Variants in VPS13A observed in about 807,000 individuals in gnomAD.
The protein encoded by VPS13A is vacuolar protein sorting 13 homolog A, also known as intermembrane lipid transfer protein VPS13A.
Under a neutral mutation model 390.9 loss-of-function variants are expected in VPS13A, and 264 were observed. The observed-to-expected ratio is 0.68, with a 90% confidence interval of 0.61 to 0.75. The LOEUF is 0.75. VPS13A is among the 30% of genes least tolerant of loss of function. VPS13A has a pLI of 0.00. For missense variants in VPS13A, 3,409 were observed against 3,733.9 expected, an observed-to-expected ratio of 0.91 and a Z score of 2.27; for synonymous variants, 1,231 against 1,227.1, an observed-to-expected ratio of 1.00 and a Z score of -0.07.
intron 10 of VPS13A, among the ~76,000 whole-genome samples, chr9:77,214,934 CT>C (rs1822770140): frequency 1.3e-5 from 2 of 152,160 alleles, no homozygotes; most frequent in African/African-American, 4.8e-5. Flanking sequence ...TGGCTAATCT[CT>C]TTCGTATTTT....
At chr9:77,329,242 T>C (rs913499481) in intron 45 of VPS13A, among the ~76,000 whole-genome samples, 2 of 152,220 alleles carry the variant, frequency 1.3e-5, no homozygotes, top group African/African-American at 4.8e-5. Context: ...TTTCACTTTC[T>C]TATCATTTGT....
chr9:77,407,311 T>TTTAAC (rs1170532530), intron 70 of VPS13A, among the ~76,000 whole-genome samples: 10 of 152,216 alleles, frequency 6.6e-5, no homozygotes, highest in Non-Finnish European at 1.5e-4. Flanking sequence ...CCTTAAGCTT[T>TTTAAC]TTAACTTAGG....
At position 77,204,315 on chromosome 9, in the gene VPS13A, G is replaced by A. The variant is rs531265053; in HGVS notation, c.188-998G>A. On this transcript the variant is annotated intron_variant, in intron 3 of 71. Transcript: ENST00000360280. Reference sequence around the variant, plus strand: ...CTCTCTATTACGAAAATATTCTCAAGATACAAAACTAGAGTGAGTAGTATA... The same window carrying A: ...CTCTCTATTACGAAAATATTCTCAAAATACAAAACTAGAGTGAGTAGTATA... Among the ~76,000 whole-genome samples, 279 of 152,054 alleles carry A rather than the reference G, an allele frequency of 1.8e-3. 1 individual carries two copies. Among genetic ancestry groups the A allele is most frequent in the African/African-American group, 6.2e-3 (256 of 41,472 alleles).
chr9:77,227,615 C>A, intron 16 of VPS13A, 130 bp downstream of exon 16: 1 of 687,626 alleles, frequency 1.5e-6, no homozygotes, highest in South Asian at 1.8e-5. Flanking sequence ...AACCTGGCCT[C>A]AAGCAATCCT....
intron 68 of VPS13A, among the ~76,000 whole-genome samples, chr9:77,400,733 CAGG>C (rs1244848269): frequency 6.7e-6 from 1 of 148,900 alleles, no homozygotes; most frequent in East Asian, 2.0e-4. Context: ...GAGGCTGAGG[CAGG>C]AGAATGGCAT....
At chr9:77,377,203 G>GTTTTTTTTTTTTTTTTTTTTTTTTT (rs61562443) in intron 67 of VPS13A, among the ~76,000 whole-genome samples, 1 of 69,050 alleles carries the variant, frequency 1.4e-5, no homozygotes, top group African/African-American at 5.8e-5. Flanking sequence ...TTTTGATGCT[G>GTTTTTTTTTTTTTTTTTTTTTTTTT]TTTTTTTTTT....
In VPS13A at chr9:77,305,025, G is replaced by A. The variant is rs141507531; in HGVS notation, c.3960+1963G>A. Among the ~76,000 whole-genome samples, 1,305 of 151,166 alleles carry A rather than the reference G, an allele frequency of 8.6e-3. 10 individuals are homozygous for A. The highest frequency in any genetic ancestry group is 0.014 in the South Asian group (67 of 4,788). ...GCAATCTCAGCTCACTGCAAGCTCC[G>A]CCTCTGGGGTTCACGCCATTCTCCT... On this transcript the variant is annotated intron_variant, in intron 34 of 71. Coordinates refer to ENST00000360280, the MANE Select transcript of VPS13A (RefSeq NM_033305.3).
At chr9:77,278,568 T>C (rs1370875090) in intron 26 of VPS13A, among the ~76,000 whole-genome samples, 1 of 152,174 alleles carries the variant, frequency 6.6e-6, no homozygotes, top group African/African-American at 2.4e-5. Context: ...GTTCAATGAA[T>C]GAATAAATGT....
chr9:77,203,695 CT>C (rs1198500995), intron 3 of VPS13A, among the ~76,000 whole-genome samples: 2 of 152,048 alleles, frequency 1.3e-5, no homozygotes, highest in Non-Finnish European at 2.9e-5. Context: ...TGTTCATTTA[CT>C]TTTTTTGAAG....
At chr9:77,391,026 T>TC (rs568036581) in intron 68 of VPS13A, among the ~76,000 whole-genome samples, 196 of 152,302 alleles carry the variant, frequency 1.3e-3, no homozygotes, top group Admixed American at 5.6e-3. Context: ...CCAGGTACGT[T>TC]CAATTTGAGT....
At chr9:77,200,085 G>T (rs1290461463) in intron 2 of VPS13A, 97 bp downstream of exon 2, 18 of 1,200,360 alleles carry the variant, frequency 1.5e-5, no homozygotes, top group Non-Finnish European at 2.0e-5. Context: ...TTAAATTTGA[G>T]AAAGTTTTTT....
In VPS13A at chr9:77,370,478, C is replaced by T. The variant is rs1263886326; in HGVS notation, c.8807C>T (p.Thr2936Ile). Residue 2936 changes from threonine to isoleucine, a missense_variant, in exon 65 of 72, where the codon ACC becomes ATC. Around this residue, in one of 5 missense-constraint regions of VPS13A, gnomAD observed 318 missense variants for 333.7 expected, o/e 0.95. Coordinates refer to ENST00000360280, the MANE Select transcript of VPS13A (RefSeq NM_033305.3). ...GAMAKGVAAM[T>I]MDEDYQQKRR... The stretch of plus-strand genomic sequence containing the variant: ...ATGGCTAAGGGGGTAGCAGCTATGA[C>T]CATGGATGAAGACTACCAACAGAAG... 11 of 1,613,976 alleles carry T rather than the reference C, an allele frequency of 6.8e-6. No homozygotes were observed. Among genetic ancestry groups the T allele is most frequent in the African/African-American group, 1.3e-5 (1 of 74,878 alleles).
At chr9:77,317,730 G>T (rs765454805) in intron 40 of VPS13A, 32 bp downstream of exon 40, 2 of 1,502,204 alleles carry the variant, frequency 1.3e-6, no homozygotes, top group Non-Finnish European at 1.8e-6. Flanking sequence ...TGAATATTTA[G>T]TGCACTTAAA....
intron 31 of VPS13A, among the ~76,000 whole-genome samples, chr9:77,285,304 T>C (rs1342571245): frequency 6.6e-6 from 1 of 152,182 alleles, no homozygotes; most frequent in East Asian, 1.9e-4. Context: ...TACTGAGACA[T>C]TGAGGCCCTC....
At chr9:77,305,386 A>G (rs548836603) in intron 34 of VPS13A, among the ~76,000 whole-genome samples, 3 of 152,224 alleles carry the variant, frequency 2.0e-5, no homozygotes, top group Admixed American at 6.5e-5. Flanking sequence ...TTTGAAGTCT[A>G]TTTATATTGG....
chr9:77,354,232 T>C (rs1468168964), intron 54 of VPS13A, among the ~76,000 whole-genome samples: 1 of 152,110 alleles, frequency 6.6e-6, no homozygotes, highest in East Asian at 1.9e-4. Flanking sequence ...AATCCTTTTC[T>C]TGAATTAAAT....
intron 69 of VPS13A, among the ~76,000 whole-genome samples, chr9:77,404,461 T>C (rs1459582507): frequency 6.6e-6 from 1 of 152,246 alleles, no homozygotes; most frequent in Non-Finnish European, 1.5e-5. Flanking sequence ...TTCTAGACTT[T>C]TGTAATTAAT....
chr9:77,333,573 C>T (rs145133886), intron 46 of VPS13A, among the ~76,000 whole-genome samples: 3,323 of 151,832 alleles, frequency 0.022, 100 homozygotes, highest in East Asian at 0.12. Context: ...TGCCACCATG[C>T]GCAGCTAATT....
Position 77,319,238 on chromosome 9 carries a change from C to CT in VPS13A, c.5314-324dup, listed in dbSNP as rs146346789. ...AAGAAAAGAGTTAAAGTTGAATACC[C>CT]TTTTTTTTTTAAGGATATAGACAGA... On this transcript the variant is annotated intron_variant, in intron 41 of 71. Transcript: ENST00000360280. 0.042 allele frequency among the ~76,000 whole-genome samples: 6,048 copies of CT among 145,648 alleles called. 164 individuals are homozygous for CT. Among genetic ancestry groups the CT allele is most frequent in the Non-Finnish European group, 0.058 (3,870 of 66,250 alleles).
Sources: gnomAD v4.1 joint callset for allele counts (sites outside exome capture counted in the v4.1 genomes callset) on GRCh38, gnomAD v4.1.1 for gene constraint, gnomAD v4.1.1 regional missense constraint, MANE v1.5 for transcripts, NCBI Gene and HGNC (gene_info 2026-07-23, HGNC 2026-07-21) for gene names.